Variants in RPP30 observed in about 807,000 individuals in gnomAD.
The protein encoded by RPP30 is ribonuclease P/MRP subunit p30, also known as ribonuclease P protein subunit p30.
In RPP30, 36 loss-of-function variants were observed where a neutral mutation model predicts 38.6. The ratio of observed to expected loss-of-function variants is 0.93; its 90% CI spans 0.71 to 1.23. The LOEUF is 1.23. RPP30 is among the 50% of genes most tolerant of loss of function. The pLI, the probability that RPP30 is intolerant of heterozygous loss-of-function variation, is 0.00. For synonymous variants in RPP30, 126 were observed against 112.7 expected (o/e 1.12, Z -0.75); for missense variants, 321 against 321.7 (o/e 1.00, Z 0.02).
chr10:90,896,114 G>A (rs558208750), intron 9 of RPP30, among the ~76,000 whole-genome samples, 197 bp downstream of exon 9: 19 of 152,280 alleles, frequency 1.2e-4, no homozygotes, highest in African/African-American at 4.3e-4. Flanking sequence ...ATAGAAAAGA[G>A]GGAATGAGGG....
At chr10:90,873,951 C>A (rs371122157) in intron 1 of RPP30, among the ~76,000 whole-genome samples, 1 of 152,134 alleles carries the variant, frequency 6.6e-6, no homozygotes, top group Non-Finnish European at 1.5e-5. Context: ...TGCTTAATTG[C>A]CTTATTTGCC....
Position 90,900,585 on chromosome 10 carries a change from C to A in RPP30, c.713C>A (p.Ala238Asp). The change falls in exon 11 of 11, where the codon GCT becomes GAT. Residue 238 changes from alanine to aspartate, a missense_variant. By Grantham distance (126) the Ala-to-Asp change is moderately radical. Coordinates refer to ENST00000371703, the MANE Select transcript of RPP30 (RefSeq NM_006413.5). ...TGTTTTACAGAAACTAGAAAAACTG[C>A]TTTTGGAATTATCTCTACAGTGAAG... is the stretch of plus-strand genomic sequence containing the variant. ...ALLHGETRKTAFGIISTVKKP... is the reference protein window; with the variant it reads ...ALLHGETRKTDFGIISTVKKP... The A allele has an allele frequency of 6.2e-7, 1 of 1,610,856 alleles. No homozygotes were observed.
intron 10 of RPP30, among the ~76,000 whole-genome samples, chr10:90,898,887 G>A (rs1391970305): frequency 6.6e-6 from 1 of 152,150 alleles, no homozygotes; most frequent in Non-Finnish European, 1.5e-5. Flanking sequence ...ATCAGCCCCT[G>A]GACCAAAATG....
At chr10:90,904,437 C>T (rs1315613936), downstream of RPP30, among the ~76,000 whole-genome samples, 2 of 152,194 alleles carry the variant, frequency 1.3e-5, no homozygotes, top group African/African-American at 4.8e-5. Context: ...CATCTGTTCT[C>T]CCTACCTGTC....
At chr10:90,882,595 G>A (rs989595303) in intron 5 of RPP30, among the ~76,000 whole-genome samples, 1 of 152,120 alleles carries the variant, frequency 6.6e-6, no homozygotes, top group African/African-American at 2.4e-5. Flanking sequence ...CCCGGGAGAC[G>A]GAGCTTGCAG....
chr10:90,895,293 GAA>G, intron 7 of RPP30, 159 bp from the exon 8 acceptor site: 1 of 511,326 alleles, frequency 2.0e-6, no homozygotes, highest in East Asian at 3.7e-5. Context: ...AGTTTGACAT[GAA>G]GTCTTTTCAT....
At chr10:90,899,464 C>T (rs939834574) in intron 10 of RPP30, among the ~76,000 whole-genome samples, 1 of 152,170 alleles carries the variant, frequency 6.6e-6, no homozygotes, top group African/African-American at 2.4e-5. Flanking sequence ...GATTCTGCCA[C>T]CTTTGTAGCT....
intron 5 of RPP30, among the ~76,000 whole-genome samples, chr10:90,882,862 T>C (rs1347257778): frequency 6.6e-6 from 1 of 152,224 alleles, no homozygotes; most frequent in Admixed American, 6.5e-5. Flanking sequence ...CTGAAATTCA[T>C]GCCTTTCCTT....
chr10:90,881,952 A>AG (rs1846934558), intron 5 of RPP30, among the ~76,000 whole-genome samples: 12 of 152,312 alleles, frequency 7.9e-5, no homozygotes, highest in African/African-American at 2.9e-4. Context: ...ATGGGACATA[A>AG]TATACCATTA....
At chr10:90,898,762 C>A (rs1040918991) in intron 10 of RPP30, among the ~76,000 whole-genome samples, 2 of 152,036 alleles carry the variant, frequency 1.3e-5, no homozygotes, top group African/African-American at 4.8e-5. Flanking sequence ...CTTTGGGGGT[C>A]CAGAAATCTA....
At chr10:90,882,058 G>T (rs566533038) in intron 5 of RPP30, among the ~76,000 whole-genome samples, 1 of 152,242 alleles carries the variant, frequency 6.6e-6, no homozygotes, top group African/African-American at 2.4e-5. Flanking sequence ...TTTTGAGGGG[G>T]TCCATTGGTT....
At chr10:90,883,914 G>A (rs1846964241) in intron 5 of RPP30, among the ~76,000 whole-genome samples, 2 of 152,006 alleles carry the variant, frequency 1.3e-5, no homozygotes, top group African/African-American at 2.4e-5. Flanking sequence ...TATCTTTTTA[G>A]AAATATTATT....
rs1370655626 is a variant in RPP30, at chr10:90,901,905, G to A, written c.*1226G>A. The stretch of plus-strand genomic sequence containing the variant: ...TCGATCTCTGCTCACTGCAAGCTCC[G>A]CCTCCTGGGTTCATGCCATTCTCCT... On this transcript the variant is annotated 3_prime_UTR_variant, in exon 11 of 11. Coordinates refer to ENST00000371703, the MANE Select transcript of RPP30 (RefSeq NM_006413.5). 2.1e-5 allele frequency: 11 copies of A among 512,818 alleles called. No individual in the cohort carries two copies. In the East Asian group the frequency reaches 9.2e-4, roughly 43 times the overall value. The allele number at this position is 512,818 out of a possible 1,614,324, so 31.8% of individuals were successfully genotyped here.
downstream of RPP30, chr10:90,902,434 C>G (rs1319488356): frequency 4.2e-6 from 1 of 236,200 alleles, no homozygotes; most frequent in Admixed American, 5.2e-5. Flanking sequence ...CCAGGCTAGT[C>G]TCAAACTCCT....
At chr10:90,881,294 C>CT (rs1846924655) in intron 5 of RPP30, among the ~76,000 whole-genome samples, 3 of 152,180 alleles carry the variant, frequency 2.0e-5, no homozygotes, top group Admixed American at 2.0e-4. Context: ...ATGGAGAAAA[C>CT]TGAGATTCAG....
chr10:90,890,468 C>T (rs1039738718), intron 6 of RPP30, among the ~76,000 whole-genome samples: 1 of 152,022 alleles, frequency 6.6e-6, no homozygotes, highest in African/African-American at 2.4e-5. Context: ...AACCCTAATC[C>T]ATTTCTGTCT....
At chr10:90,882,114 G>C (rs879682741) in intron 5 of RPP30, among the ~76,000 whole-genome samples, 9 of 152,154 alleles carry the variant, frequency 5.9e-5, no homozygotes, top group Admixed American at 2.6e-4. Flanking sequence ...GACACAGAGA[G>C]AGAGTTGCAT....
chr10:90,906,049 A>T (rs1288186588), downstream of RPP30: 1 of 152,250 alleles, frequency 6.6e-6, no homozygotes, highest in African/African-American at 2.4e-5. Context: ...AATAATCAGA[A>T]TGTCATGAAA....
chr10:90,882,556 AG>A (rs1846943631), intron 5 of RPP30, among the ~76,000 whole-genome samples: 1 of 152,116 alleles, frequency 6.6e-6, no homozygotes, highest in African/African-American at 2.4e-5. Flanking sequence ...CCAGCTACTC[AG>A]GAGGCTGAGG....
Sources: allele counts gnomAD v4.1 joint callset (sites outside exome capture counted in the v4.1 genomes callset), GRCh38; gene constraint gnomAD v4.1.1; transcripts MANE v1.5; gene names NCBI Gene and HGNC (gene_info 2026-07-23, HGNC 2026-07-21).